SCRT1: variants seen among roughly 807,000 people sequenced by gnomAD.
SCRT1 encodes transcriptional repressor scratch 1.
SCRT1 carries 1 observed loss-of-function variant against 3.4 expected under a neutral mutation model. That is an observed-to-expected ratio of 0.29 (90% CI 0.10 to 1.39). SCRT1 has a LOEUF of 1.39. Among genes scored for constraint, SCRT1 ranks in the 40% most tolerant of loss-of-function variants. The pLI is 0.42. For missense variants in SCRT1, 380 were observed against 526.3 expected, an observed-to-expected ratio of 0.72 and a Z score of 2.72; for synonymous variants, 238 against 247.0, an observed-to-expected ratio of 0.96 and a Z score of 0.34.
At position 144,334,012 on chromosome 8, in the gene SCRT1, G is replaced by T; in HGVS notation, c.220C>A (p.Arg74Ser). 1 of 1,486,662 alleles carries T rather than the reference G, an allele frequency of 6.7e-7. No individual in the cohort carries two copies. Among genetic ancestry groups the T allele is most frequent in the Non-Finnish European group, 8.9e-7 (1 of 1,121,098 alleles). 92.1% of individuals were successfully genotyped at this position (1,486,662 alleles called of 1,614,324 possible). ...GCAGCCGCCGGACCCAGCTCTCCAC[G>T]CACAGCTGCTGCGTACATGGGCTCC... ...SPEPMYAAAV[R>S]GELGPAAAGS... The change falls in exon 2 of 2, where the codon CGT becomes AGT. Residue 74 changes from arginine to serine, a missense_variant. Around this residue, in one of 5 missense-constraint regions of SCRT1, gnomAD observed 125 missense variants for 132.7 expected, o/e 0.94. Coordinates refer to ENST00000569446, the MANE Select transcript of SCRT1 (RefSeq NM_031309.6).
rs1473377288 is a variant in SCRT1, at chr8:144,332,249, A to G, written c.*936T>C. On this transcript the variant is annotated 3_prime_UTR_variant, in exon 2 of 2. Coordinates refer to ENST00000569446, the MANE Select transcript of SCRT1 (RefSeq NM_031309.6). ...TGCAATCCGTTCATAAATAAAACGT[A>G]CAAATACAGAAAAAGAAACCCGACG... The G allele has an allele frequency of 6.6e-6, 1 of 152,340 alleles. No homozygotes were observed. The highest frequency in any genetic ancestry group is 2.4e-5 in the African/African-American group (1 of 41,416). 9.4% of individuals were successfully genotyped at this position (152,340 alleles called of 1,614,324 possible). A position where few individuals can be genotyped will look rare whatever the true frequency, so the allele number is the denominator to read the frequency against.
chr8:144,336,052 C>G lies in SCRT1; in HGVS notation c.115+3G>C. The G allele has an allele frequency of 1.3e-6, 2 of 1,587,426 alleles. No homozygotes were observed. The highest frequency in any genetic ancestry group is 1.7e-6 in the Non-Finnish European group (2 of 1,165,858). On this transcript the variant is annotated splice_donor_region_variant and intron_variant, in intron 1 of 1. Transcript: ENST00000569446. The surrounding 1 kb of genome is among the most constrained non-coding windows in gnomAD (Gnocchi z 6.8). ...CGCGCCCTGGTCTCAGACCAGCGCT[C>G]ACCTTTATCGTGCAGTGGCGCGCCG...
At position 144,332,030 on chromosome 8, in the gene SCRT1, G is replaced by T. The variant is rs1190552779; in HGVS notation, c.*1155C>A. 2.1e-5 allele frequency: 3 copies of T among 144,980 alleles called. No homozygotes were observed. Among genetic ancestry groups the T allele is most frequent in the Non-Finnish European group, 4.6e-5 (3 of 65,516 alleles). 9.0% of individuals were successfully genotyped at this position (144,980 alleles called of 1,614,324 possible). On this transcript the variant is annotated 3_prime_UTR_variant, in exon 2 of 2. Coordinates refer to ENST00000569446, the MANE Select transcript of SCRT1 (RefSeq NM_031309.6). ...ACGGGCGAAAGTTGGCAACCGAGTG[G>T]GGGCGGGGCCTGGGTCTCAGGGGCG... is the stretch of plus-strand genomic sequence containing the variant.
At chr8:144,334,288 G>A (rs1817852560) in intron 1 of SCRT1, among the ~76,000 whole-genome samples, 172 bp from the exon 2 acceptor site, 1 of 152,050 alleles carries the variant, frequency 6.6e-6, no homozygotes, top group African/African-American at 2.4e-5. Context: ...CGGGCAGGGA[G>A]GATGGAGACA....
In SCRT1 at chr8:144,335,181, C is replaced by T; in HGVS notation, c.115+874G>A. ...CCACCTCCTCACTCACGCAGGGTCA[C>T]ACATGCAGTCACCCCGGACACACTC... On this transcript the variant is annotated intron_variant, in intron 1 of 1. Coordinates refer to ENST00000569446, the MANE Select transcript of SCRT1 (RefSeq NM_031309.6). The surrounding 1 kb of genome is among the most constrained non-coding windows in gnomAD (Gnocchi z 7.7). 6.6e-6 allele frequency among the ~76,000 whole-genome samples: 1 copy of T among 152,232 alleles called. No homozygotes were observed. The highest frequency in any genetic ancestry group is 1.5e-5 in the Non-Finnish European group (1 of 68,048).
In SCRT1 at chr8:144,331,040, G is replaced by GGGTGA. The variant is rs1554849428; in HGVS notation, c.*2140_*2144dup. The GGGTGA allele has an allele frequency of 6.6e-6, 1 of 152,518 alleles. No individual in the cohort carries two copies. The highest frequency in any genetic ancestry group is 1.5e-5 in the Non-Finnish European group (1 of 68,064). The allele number at this position is 152,518 out of a possible 1,614,324, so 9.4% of individuals were successfully genotyped here. ...GGTAGGTAGACAGGAGTATGGGGTG[G>GGGTGA]GGTGAGGTGGGGGCGCCTGTGTGTG... On this transcript the variant is annotated 3_prime_UTR_variant, in exon 2 of 2. Coordinates refer to ENST00000569446, the MANE Select transcript of SCRT1 (RefSeq NM_031309.6).
chr8:144,333,567 C>T lies in SCRT1; in HGVS notation c.665G>A (p.Arg222Gln). 7 of 1,609,848 alleles carry T rather than the reference C, an allele frequency of 4.3e-6. No individual in the cohort carries two copies. Among genetic ancestry groups the T allele is most frequent in the Non-Finnish European group, 5.9e-6 (7 of 1,179,116 alleles). ...THRSLDSQLARRCPTCGKVYV... is the reference protein window; with the variant it reads ...THRSLDSQLAQRCPTCGKVYV... ...CACCTTGCCGCACGTCGGGCAGCGC[C>T]GCGCCAGCTGGCTGTCCAGGCTGCG... Residue 222 changes from arginine (R) to glutamine (Q), a missense_variant, in exon 2 of 2, where the codon CGG becomes CAG. Arg to Gln is a conservative substitution (Grantham distance 43, BLOSUM62 1). Coordinates refer to ENST00000569446, the MANE Select transcript of SCRT1 (RefSeq NM_031309.6).
chr8:144,333,313 T>C lies in SCRT1; in HGVS notation c.919A>G (p.Lys307Glu). Residue 307 changes from lysine to glutamate, a missense_variant, in exon 2 of 2, where the codon AAG becomes GAG. Lys to Glu is a moderately conservative substitution (Grantham distance 56). Coordinates refer to ENST00000569446, the MANE Select transcript of SCRT1 (RefSeq NM_031309.6). ...THSAFKHFQC[K>E]RCKKSFALKS... is the part of the protein sequence containing the mutation. ...AGCGCGAAGCTCTTCTTGCAGCGCT[T>C]GCACTGGAAGTGCTTGAAGGCCGAA... The C allele has an allele frequency of 6.2e-7, 1 of 1,612,908 alleles. No individual in the cohort carries two copies. Among genetic ancestry groups the C allele is most frequent in the Non-Finnish European group, 8.5e-7 (1 of 1,179,762 alleles).
chr8:144,336,222 G>C lies in SCRT1; in HGVS notation c.-53C>G. ...GCCTGCGGAGCCGGGGCTTGGGGGG[G>C]CTGCGGCGGCAGGGCCCCGTCACCA... On this transcript the variant is annotated 5_prime_UTR_variant, in exon 1 of 2. Coordinates refer to ENST00000569446, the MANE Select transcript of SCRT1 (RefSeq NM_031309.6). The surrounding 1 kb of genome is among the most constrained non-coding windows in gnomAD (Gnocchi z 6.8). 7.4e-7 allele frequency: 1 copy of C among 1,348,282 alleles called. No individual in the cohort carries two copies. The highest frequency in any genetic ancestry group is 1.0e-6 in the Non-Finnish European group (1 of 985,724). 83.5% of individuals were successfully genotyped at this position (1,348,282 alleles called of 1,614,324 possible). A position where few individuals can be genotyped will look rare whatever the true frequency, so the allele number is the denominator to read the frequency against.
In SCRT1 at chr8:144,333,426, G is replaced by C. The variant is rs1564638323; in HGVS notation, c.806C>G (p.Ser269Trp). 3 of 1,602,432 alleles carry C rather than the reference G, an allele frequency of 1.9e-6. No individual in the cohort carries two copies. The highest frequency in any genetic ancestry group is 1.7e-6 in the Non-Finnish European group (2 of 1,176,490). The part of the protein sequence containing the change: ...RPWLLQGHMR[S>W]HTGEKPFGCA... ...GCCGAAGGGTTTCTCGCCGGTGTGC[G>C]AGCGCATGTGGCCCTGCAGCAGCCA... Residue 269 changes from serine to tryptophan, a missense_variant, in exon 2 of 2, where the codon TCG (serine) becomes TGG (tryptophan). Physicochemically the swap from Ser to Trp is radical, Grantham distance 177. Coordinates refer to ENST00000569446, the MANE Select transcript of SCRT1 (RefSeq NM_031309.6).
Position 144,333,153 on chromosome 8 carries a change from G to A in SCRT1, c.*32C>T, listed in dbSNP as rs782258367. The stretch of plus-strand genomic sequence containing the variant: ...CTTCCCTGGGGGGCCGTATTGCTGA[G>A]AGCCGACCTGGCTGGGGGAGGCCCC... On this transcript the variant is annotated 3_prime_UTR_variant, in exon 2 of 2. Coordinates refer to ENST00000569446, the MANE Select transcript of SCRT1 (RefSeq NM_031309.6). 4 of 1,461,338 alleles carry A rather than the reference G, an allele frequency of 2.7e-6. No individual in the cohort carries two copies. The South Asian group carries it at 4.2e-5, about 15-fold the overall frequency. The allele number at this position is 1,461,338 out of a possible 1,614,324, so 90.5% of individuals were successfully genotyped here. A position where few individuals can be genotyped will look rare whatever the true frequency, so the allele number is the denominator to read the frequency against.
rs1554850243 is a variant in SCRT1 at position 144,335,996 on chromosome 8, C to T, written c.115+59G>A. On this transcript the variant is annotated intron_variant, in intron 1 of 1. Transcript: ENST00000569446. This position sits in a 1 kb window ranked among gnomAD's most constrained non-coding sequence, Gnocchi z 7.7. ...CTGCCCTCCGCCCCCACACTCTGGC[C>T]CTCCACCGCTTCCAGCAAAGCCCCA... The T allele has an allele frequency of 4.8e-6, 6 of 1,245,112 alleles. No homozygotes were observed. The highest frequency in any genetic ancestry group is 6.6e-6 in the Non-Finnish European group (6 of 905,480). The allele number at this position is 1,245,112 out of a possible 1,614,324, so 77.1% of individuals were successfully genotyped here. A position where few individuals can be genotyped will look rare whatever the true frequency, so the allele number is the denominator to read the frequency against.
At position 144,334,050 on chromosome 8, in the gene SCRT1, T is replaced by G. The variant is rs782590060; in HGVS notation, c.182A>C (p.Lys61Thr). The change falls in exon 2 of 2, where the codon AAA becomes ACA. Residue 61 changes from lysine to threonine, a missense_variant. Coordinates refer to ENST00000569446, the MANE Select transcript of SCRT1 (RefSeq NM_031309.6). ...YDGDAEAALL[K>T]GPSPEPMYAA... ...GTACATGGGCTCCGGCGACGGCCCTTTGAGCAGCGCAGCCTCGGCGTCGCC... is the reference window on the plus strand; with the variant it reads ...GTACATGGGCTCCGGCGACGGCCCTGTGAGCAGCGCAGCCTCGGCGTCGCC... 1.3e-6 allele frequency: 2 copies of G among 1,531,832 alleles called. No homozygotes were observed. The highest frequency in any genetic ancestry group is 2.5e-5 in the East Asian group (1 of 39,258). The allele number at this position is 1,531,832 out of a possible 1,614,324, so 94.9% of individuals were successfully genotyped here.
chr8:144,333,197 A>T lies in SCRT1; in HGVS notation c.1035T>A (p.Pro345=). 6.4e-7 allele frequency: 1 copy of T among 1,569,154 alleles called. No homozygotes were observed. The highest frequency in any genetic ancestry group is 8.6e-7 in the Non-Finnish European group (1 of 1,160,352). ...AGGCCCCGCCGCCCTAGGCCTGCAC[A>T]GGGCTGAGCTGTGGCGGCGCAGGAG... ...PAAPAPPQLS[P]VQA The change falls in exon 2 of 2, where the codon CCT becomes CCA. Residue 345 remains proline (P), a synonymous_variant. Coordinates refer to ENST00000569446, the MANE Select transcript of SCRT1 (RefSeq NM_031309.6).
At position 144,333,497 on chromosome 8, in the gene SCRT1, G is replaced by T; in HGVS notation, c.735C>A (p.Asp245Glu). ...CGCACACGCCGCACTTGTGGCGCAGGTCGTGCGTGAGCAGGTGCATGGCCA... is the reference window on the plus strand; with the variant it reads ...CGCACACGCCGCACTTGTGGCGCAGTTCGTGCGTGAGCAGGTGCATGGCCA... ...PAMAMHLLTH[D>E]LRHKCGVCGK... The change falls in exon 2 of 2, where the codon GAC becomes GAA. Residue 245 changes from aspartate (D) to glutamate (E), a missense_variant. By Grantham distance (45) the Asp-to-Glu change is conservative (BLOSUM62 2). Transcript: ENST00000569446. The T allele has an allele frequency of 6.2e-7, 1 of 1,605,470 alleles. No homozygotes were observed. The highest frequency in any genetic ancestry group is 8.5e-7 in the Non-Finnish European group (1 of 1,178,024).
Position 144,336,143 on chromosome 8 carries a change from C to A in SCRT1, c.27G>T (p.Lys9Asn). 1 of 1,609,146 alleles carries A rather than the reference C, an allele frequency of 6.2e-7. No homozygotes were observed. The highest frequency in any genetic ancestry group is 8.5e-7 in the Non-Finnish European group (1 of 1,178,202). The change falls in exon 1 of 2, where the codon AAG becomes AAT. Residue 9 changes from lysine (K) to asparagine (N), a missense_variant. Transcript: ENST00000569446. The surrounding 1 kb of genome is among the most constrained non-coding windows in gnomAD (Gnocchi z 6.8). MPRSFLVKKVKLDAFSSAD... is the reference protein window; with the variant it reads MPRSFLVKNVKLDAFSSAD... ...CCGAAGAGAACGCGTCAAGTTTGAC[C>A]TTCTTGACCAGGAAGGACCTGGGCA...
In SCRT1 at chr8:144,335,241, C is replaced by T. The variant is rs1817871106; in HGVS notation, c.115+814G>A. On this transcript the variant is annotated intron_variant, in intron 1 of 1. Transcript: ENST00000569446. This position sits in a 1 kb window ranked among gnomAD's most constrained non-coding sequence, Gnocchi z 7.7. ...ATGGTGCACAGCGGCCTCAGAGTCA[C>T]ATGGTCCCATGTAGTGGCACACAGG... Among the ~76,000 whole-genome samples the T allele has an allele frequency of 6.6e-6, 1 of 152,164 alleles. No homozygotes were observed. Among genetic ancestry groups the T allele is most frequent in the Admixed American group, 6.5e-5 (1 of 15,278 alleles).
rs573369093 is a variant in SCRT1 at position 144,335,529 on chromosome 8, G to A, written c.115+526C>T. Among the ~76,000 whole-genome samples the A allele has an allele frequency of 1.3e-5, 2 of 152,270 alleles. No individual in the cohort carries two copies. Among genetic ancestry groups the A allele is most frequent in the East Asian group, 3.9e-4 (2 of 5,188 alleles). ...CTCCCTGCTTCCTCTCCCTGACCCA[G>A]GCTTCAGGGAAGAGACTGCTGCTGC... On this transcript the variant is annotated intron_variant, in intron 1 of 1. Coordinates refer to ENST00000569446, the MANE Select transcript of SCRT1 (RefSeq NM_031309.6). The surrounding 1 kb of genome is among the most constrained non-coding windows in gnomAD (Gnocchi z 7.7).
Position 144,336,021 on chromosome 8 carries a change from A to C in SCRT1, c.115+34T>G, listed in dbSNP as rs782124222. The stretch of plus-strand genomic sequence containing the variant: ...CCTCCACCGCTTCCAGCAAAGCCCC[A>C]GGCCCCGCGCCCTGGTCTCAGACCA... On this transcript the variant is annotated intron_variant, in intron 1 of 1. Transcript: ENST00000569446. This position sits in a 1 kb window ranked among gnomAD's most constrained non-coding sequence, Gnocchi z 6.8. 3.4e-5 allele frequency: 50 copies of C among 1,454,746 alleles called. No individual in the cohort carries two copies. Among genetic ancestry groups the C allele is most frequent in the Non-Finnish European group, 4.6e-5 (49 of 1,074,660 alleles). The allele number at this position is 1,454,746 out of a possible 1,614,324, so 90.1% of individuals were successfully genotyped here. A position where few individuals can be genotyped will look rare whatever the true frequency, so the allele number is the denominator to read the frequency against.
Sources: gnomAD v4.1 joint callset for allele counts (sites outside exome capture counted in the v4.1 genomes callset) on GRCh38, gnomAD v4.1.1 for gene constraint, gnomAD v4.1.1 regional missense constraint, Gnocchi (gnomAD v3.1) non-coding constraint, MANE v1.5 for transcripts, NCBI Gene and HGNC (gene_info 2026-07-23, HGNC 2026-07-21) for gene names.